Variants in ATG7 observed in about 807,000 individuals in gnomAD.
ATG7 encodes the protein autophagy related 7.
Under a neutral mutation model 82.4 loss-of-function variants are expected in ATG7, and 70 were observed. That is an observed-to-expected ratio of 0.85 (90% CI 0.70 to 1.04). ATG7 has a LOEUF of 1.04. Ranked by LOEUF, ATG7 falls within the 50% of genes least tolerant of loss-of-function variation. The probability of loss-of-function intolerance (pLI) is 0.00; values close to 1 mark genes in which losing one functional copy is unlikely to be tolerated. For missense variants in ATG7, 792 were observed against 864.3 expected (o/e 0.92, Z 1.05); for synonymous variants, 287 against 313.0 (o/e 0.92, Z 0.88).
intron 20 of ATG7, among the ~76,000 whole-genome samples, chr3:11,512,816 C>A (rs535917157): frequency 1.3e-5 from 2 of 152,214 alleles, no homozygotes; most frequent in African/African-American, 4.8e-5. Flanking sequence ...TGCTTTTATT[C>A]TCTTACCTGG....
chr3:11,515,589 C>T (rs1472028541), intron 20 of ATG7, among the ~76,000 whole-genome samples: 1 of 152,156 alleles, frequency 6.6e-6, no homozygotes, highest in Non-Finnish European at 1.5e-5. Flanking sequence ...TGTATATTGA[C>T]AAGACATTGT....
chr3:11,286,583 CTTTTTTTTTTTT>C (rs5846700), intron 3 of ATG7, among the ~76,000 whole-genome samples: 2 of 66,956 alleles, frequency 3.0e-5, no homozygotes, highest in African/African-American at 6.8e-5. Context: ...TTCTTTCTTT[CTTTTTTTTTTTT>C]TTTTTTTTTT....
chr3:11,450,144 T>A (rs1206947438), intron 20 of ATG7, among the ~76,000 whole-genome samples: 1 of 152,062 alleles, frequency 6.6e-6, no homozygotes, highest in Non-Finnish European at 1.5e-5. Flanking sequence ...TCTCATTAAA[T>A]CTTCACAATC....
intron 19 of ATG7, among the ~76,000 whole-genome samples, chr3:11,403,232 C>T (rs2080006777): frequency 6.6e-6 from 1 of 152,092 alleles, no homozygotes; most frequent in South Asian, 2.1e-4. Context: ...ACCTATCAAT[C>T]TGAGGAAGTC....
At chr3:11,448,877 G>T (rs919260447) in intron 20 of ATG7, among the ~76,000 whole-genome samples, 3 of 152,072 alleles carry the variant, frequency 2.0e-5, no homozygotes, top group Admixed American at 6.6e-5. Context: ...GGCCCTGGGG[G>T]TCTCTCTCCC....
chr3:11,477,011 C>T (rs946495116), intron 20 of ATG7: 16 of 1,032,298 alleles, frequency 1.5e-5, no homozygotes, highest in African/African-American at 1.2e-4. Flanking sequence ...CAGTGTTTTC[C>T]GATGGCAGTC....
intron 20 of ATG7, among the ~76,000 whole-genome samples, chr3:11,519,555 T>TG (rs2092383291): frequency 7.2e-5 from 7 of 97,894 alleles, no homozygotes; most frequent in African/African-American, 3.7e-4. Context: ...TTTTTTTTTT[T>TG]TTTTTTTTTT....
chr3:11,420,863 C>T (rs1297466041), intron 19 of ATG7, among the ~76,000 whole-genome samples: 1 of 148,202 alleles, frequency 6.7e-6, no homozygotes, highest in Non-Finnish European at 1.5e-5. Flanking sequence ...TCATGCCATT[C>T]TCCTGCCTCA....
At chr3:11,540,779 AAGTTC>A (rs2070745405) in intron 20 of ATG7, among the ~76,000 whole-genome samples, 1 of 151,944 alleles carries the variant, frequency 6.6e-6, no homozygotes, top group African/African-American at 2.4e-5. Context: ...TTGAATTCTG[AAGTTC>A]AGTTAATAAT....
chr3:11,435,724 G>C (rs555816346), intron 20 of ATG7, among the ~76,000 whole-genome samples: 1 of 152,126 alleles, frequency 6.6e-6, no homozygotes, highest in South Asian at 2.1e-4. Context: ...ATTGACCTTC[G>C]TTTCCATCAT....
chr3:11,285,807 A>G (rs1050690798), intron 3 of ATG7, among the ~76,000 whole-genome samples: 9 of 152,180 alleles, frequency 5.9e-5, no homozygotes, highest in African/African-American at 2.2e-4. Context: ...CAGAAATTCT[A>G]CAAGAATAAG....
chr3:11,342,783 C>G (rs1183315617), intron 13 of ATG7, among the ~76,000 whole-genome samples: 1 of 150,342 alleles, frequency 6.7e-6, no homozygotes, highest in African/African-American at 2.4e-5. Context: ...CTATTAGATA[C>G]TGTTCTCTAT....
chr3:11,526,042 G>A (rs1022560661), intron 20 of ATG7, among the ~76,000 whole-genome samples: 1 of 152,152 alleles, frequency 6.6e-6, no homozygotes, highest in African/African-American at 2.4e-5. Flanking sequence ...GATAACTGCT[G>A]CTCTGTTTCC....
At chr3:11,554,710 G>T in intron 20 of ATG7, 101 bp from the exon 21 acceptor site, 1 of 1,398,096 alleles carries the variant, frequency 7.2e-7, no homozygotes, top group South Asian at 1.3e-5. Flanking sequence ...GAGTGGTTCT[G>T]CAGGTGGGAG....
intron 20 of ATG7, among the ~76,000 whole-genome samples, chr3:11,475,909 C>CCCCT (rs1553687310): frequency 9.6e-6 from 1 of 104,698 alleles, no homozygotes; most frequent in African/African-American, 3.2e-5. Context: ...ACACACACAC[C>CCCCT]CCCTCCCAGA....
intron 14 of ATG7, among the ~76,000 whole-genome samples, chr3:11,350,478 A>G (rs1328552283): frequency 1.3e-5 from 2 of 152,228 alleles, no homozygotes; most frequent in Admixed American, 6.5e-5. Context: ...ACTTCGAGTC[A>G]GGTTCCAGTC....
chr3:11,403,198 C>T (rs374049181), intron 19 of ATG7, among the ~76,000 whole-genome samples: 3 of 152,074 alleles, frequency 2.0e-5, no homozygotes, highest in Admixed American at 6.5e-5. Context: ...TCTGATAATT[C>T]GTAGTAAATG....
At chr3:11,521,756 G>C (rs1304504216) in intron 20 of ATG7, among the ~76,000 whole-genome samples, 2 of 152,032 alleles carry the variant, frequency 1.3e-5, no homozygotes, top group Non-Finnish European at 2.9e-5. Flanking sequence ...GTTTCACTGT[G>C]TTAGCCAGGA....
At chr3:11,327,039 A>G (rs1316312281) in intron 9 of ATG7, among the ~76,000 whole-genome samples, 1 of 152,194 alleles carries the variant, frequency 6.6e-6, no homozygotes, top group Non-Finnish European at 1.5e-5. Context: ...TTCCTGCTCT[A>G]GCTGCCTCCC....
Sources: gnomAD v4.1 joint callset for allele counts (sites outside exome capture counted in the v4.1 genomes callset) on GRCh38, gnomAD v4.1.1 for gene constraint, MANE v1.5 for transcripts, NCBI Gene and HGNC (gene_info 2026-07-23, HGNC 2026-07-21) for gene names.